MYLK: variants seen among roughly 807,000 people sequenced by gnomAD.
MYLK encodes the protein myosin light chain kinase, smooth muscle.
MYLK carries 106 observed loss-of-function variants against 203.4 expected under a neutral mutation model. That is an observed-to-expected ratio of 0.52 (90% confidence interval 0.45 to 0.61). The LOEUF (loss-of-function observed/expected upper bound fraction) is 0.61. MYLK is among the 20% of genes least tolerant of loss of function. MYLK has a pLI of 0.00. For synonymous variants in MYLK, 867 were observed against 959.5 expected, an observed-to-expected ratio of 0.90 and a Z score of 1.78; for missense variants, 2,072 against 2,442.3, an observed-to-expected ratio of 0.85 and a Z score of 3.20.
intron 2 of MYLK, among the ~76,000 whole-genome samples, chr3:123,855,535 A>G (rs972951838): frequency 6.6e-6 from 1 of 151,974 alleles, no homozygotes; most frequent in Non-Finnish European, 1.5e-5. Flanking sequence ...GCTACTCAGG[A>G]GGTTGAGGTG....
intron 2 of MYLK, among the ~76,000 whole-genome samples, chr3:123,860,313 G>A (rs2031779914): frequency 6.6e-6 from 1 of 152,188 alleles, no homozygotes; most frequent in Admixed American, 6.5e-5. Context: ...CTGTGTACAA[G>A]GCCTGCGTTG....
At chr3:123,649,459 A>G (rs1418396184) in intron 24 of MYLK, among the ~76,000 whole-genome samples, 1 of 152,136 alleles carries the variant, frequency 6.6e-6, no homozygotes, top group Non-Finnish European at 1.5e-5. Context: ...CTCTAGCCTC[A>G]TGGTCCCCAG....
At chr3:123,800,558 T>G (rs2065161591) in intron 3 of MYLK, among the ~76,000 whole-genome samples, 1 of 152,180 alleles carries the variant, frequency 6.6e-6, no homozygotes, top group Non-Finnish European at 1.5e-5. Context: ...TTTGCCTCGT[T>G]GGTCCAGAGC....
chr3:123,811,576 G>A (rs184805420), intron 3 of MYLK, among the ~76,000 whole-genome samples: 13 of 152,242 alleles, frequency 8.5e-5, no homozygotes, highest in African/African-American at 3.1e-4. Context: ...ACACCCTACC[G>A]GGGACACTGT....
At chr3:123,826,079 C>T (rs926631953) in intron 3 of MYLK, among the ~76,000 whole-genome samples, 1 of 152,284 alleles carries the variant, frequency 6.6e-6, no homozygotes, top group African/African-American at 2.4e-5. Flanking sequence ...CAAAAAAGGG[C>T]CTGAGAAACC....
chr3:123,730,437 C>A (rs113003065), intron 11 of MYLK, among the ~76,000 whole-genome samples: 4,935 of 152,240 alleles, frequency 0.032, 120 homozygotes, highest in Non-Finnish European at 0.046. Flanking sequence ...GTATTGAAAA[C>A]AACTCATACA....
chr3:123,651,566 C>T (rs779882237), intron 24 of MYLK, among the ~76,000 whole-genome samples: 16 of 152,216 alleles, frequency 1.1e-4, no homozygotes, highest in African/African-American at 2.6e-4. Context: ...CACATTTTCC[C>T]GGCGTGGCAT....
intron 12 of MYLK, 97 bp from the exon 13 acceptor site, chr3:123,722,377 A>G: frequency 9.5e-7 from 1 of 1,056,766 alleles, no homozygotes; most frequent in Non-Finnish European, 1.3e-6. Context: ...TGACGCTGAG[A>G]CTTGTCATGC....
chr3:123,688,633 G>T (rs994259598), intron 19 of MYLK, among the ~76,000 whole-genome samples: 6 of 152,034 alleles, frequency 3.9e-5, no homozygotes, highest in African/African-American at 1.5e-4. Context: ...AACACTGCCT[G>T]GATCTGGTCC....
intron 18 of MYLK, chr3:123,693,395 G>A (rs530699426): frequency 4.3e-5 from 7 of 163,884 alleles, no homozygotes; most frequent in East Asian, 3.1e-4. Context: ...GAGGGGCACC[G>A]GCCTGTGGGA....
chr3:123,783,090 T>C (rs1465839529), intron 4 of MYLK, among the ~76,000 whole-genome samples: 1 of 151,866 alleles, frequency 6.6e-6, no homozygotes, highest in Non-Finnish European at 1.5e-5. Context: ...TAATAATCTA[T>C]CTCCTTTTGA....
At chr3:123,828,340 A>T (rs2066206344) in intron 3 of MYLK, among the ~76,000 whole-genome samples, 2 of 152,176 alleles carry the variant, frequency 1.3e-5, no homozygotes, top group African/African-American at 4.8e-5. Flanking sequence ...AGGTACCAAG[A>T]ACATCTTTGG....
At chr3:123,772,554 G>A (rs1341045832) in intron 4 of MYLK, among the ~76,000 whole-genome samples, 2 of 151,922 alleles carry the variant, frequency 1.3e-5, no homozygotes, top group Non-Finnish European at 2.9e-5. Context: ...AAAGATATGT[G>A]AACACTAAAA....
intron 3 of MYLK, among the ~76,000 whole-genome samples, chr3:123,827,221 G>T (rs912414550): frequency 6.6e-5 from 10 of 152,082 alleles, no homozygotes; most frequent in African/African-American, 2.4e-4. Flanking sequence ...GAACTAAAAG[G>T]AAATCAATTA....
chr3:123,672,807 C>T (rs820327), intron 20 of MYLK, among the ~76,000 whole-genome samples: 100,311 of 152,166 alleles, frequency 0.66, 38,555 homozygotes, highest in Non-Finnish European at 0.88. Flanking sequence ...ATATCCTATT[C>T]TATACATATT....
In MYLK at chr3:123,708,718, T is replaced by C. The variant is rs201615936; in HGVS notation, c.2120A>G (p.Gln707Arg). The change falls in exon 15 of 34, where the codon CAG (glutamine) becomes CGG (arginine). Residue 707 changes from glutamine (Q) to arginine (R), a missense_variant. Transcript: ENST00000360304. ...AWNSAGEVRTQAVLTVQEPHD... is the reference protein window; with the variant it reads ...AWNSAGEVRTRAVLTVQEPHD... ...CTCACCTTGTACCGTGAGCACGGCC[T>C]GGGTGCGGACCTCTCCAGCGCTGTT... 7.1e-5 allele frequency: 114 copies of C among 1,614,000 alleles called. No homozygotes were observed. The highest frequency in any genetic ancestry group is 2.8e-4 in the Admixed American group (17 of 60,012).
chr3:123,656,998 A>C, intron 24 of MYLK, 128 bp downstream of exon 24: 1 of 1,108,232 alleles, frequency 9.0e-7, no homozygotes, highest in South Asian at 1.3e-5. Context: ...CCAAGACCCC[A>C]AAAGACCCTG....
chr3:123,620,514 T>C, intron 31 of MYLK, 178 bp from the exon 32 acceptor site: 1 of 1,470,806 alleles, frequency 6.8e-7, no homozygotes. Flanking sequence ...TGCTCAGCAC[T>C]GTCAGTGTGT....
At chr3:123,644,435 T>G (rs2058943317) in intron 27 of MYLK, 1 of 152,168 alleles carries the variant, frequency 6.6e-6, no homozygotes, top group East Asian at 1.9e-4. Context: ...AGGGGAGGCA[T>G]GGGGTGGAGG....
Sources: gnomAD v4.1 joint callset for allele counts (sites outside exome capture counted in the v4.1 genomes callset) on GRCh38, gnomAD v4.1.1 for gene constraint, MANE v1.5 for transcripts, NCBI Gene and HGNC (gene_info 2026-07-23, HGNC 2026-07-21) for gene names.